Variants in ANO3 observed in about 807,000 individuals in gnomAD.
ANO3 encodes anoctamin 3.
In ANO3, 99 loss-of-function variants were observed where a neutral mutation model predicts 144.8. That is an observed-to-expected ratio of 0.68 (90% CI 0.58 to 0.81). The LOEUF is 0.81. Ranked by LOEUF, ANO3 falls within the 30% of genes least tolerant of loss-of-function variation. ANO3 has a pLI of 0.00. For missense variants in ANO3, 905 were observed against 1,202.2 expected (o/e 0.75, Z 3.66); for synonymous variants, 414 against 392.6 (o/e 1.05, Z -0.64).
intron 1 of ANO3, among the ~76,000 whole-genome samples, chr11:26,410,567 T>C (rs1030708867): frequency 6.6e-5 from 10 of 152,050 alleles, no homozygotes; most frequent in Admixed American, 5.9e-4. Context: ...CCCAAAACAA[T>C]TGTAGAAACA....
At chr11:26,585,146 C>T (rs970309587) in intron 14 of ANO3, among the ~76,000 whole-genome samples, 3 of 152,160 alleles carry the variant, frequency 2.0e-5, no homozygotes, top group Non-Finnish European at 4.4e-5. Context: ...AGCTGATAAA[C>T]TTTCCAGAGT....
At chr11:26,608,938 G>A (rs772119860) in intron 17 of ANO3, among the ~76,000 whole-genome samples, 4 of 152,204 alleles carry the variant, frequency 2.6e-5, no homozygotes, top group Non-Finnish European at 5.9e-5. Flanking sequence ...GGCTTAGACA[G>A]CAGGCACCTG....
At chr11:26,347,250 A>G (rs1317096976) in intron 1 of ANO3, among the ~76,000 whole-genome samples, 6 of 152,232 alleles carry the variant, frequency 3.9e-5, no homozygotes, top group Admixed American at 1.3e-4. Context: ...ATTTGAATCA[A>G]TCGGCACAAT....
At chr11:26,451,746 A>G (rs1004545556) in intron 3 of ANO3, among the ~76,000 whole-genome samples, 17 of 152,198 alleles carry the variant, frequency 1.1e-4, no homozygotes, top group Non-Finnish European at 1.9e-4. Context: ...TTCTCCCAGC[A>G]TGCAGCTGGA....
chr11:26,269,955 G>T (rs1853405622), intron 1 of ANO3, among the ~76,000 whole-genome samples: 1 of 152,130 alleles, frequency 6.6e-6, no homozygotes, highest in Non-Finnish European at 1.5e-5. Flanking sequence ...TATAAGAAGA[G>T]ATCAGAACAC....
At chr11:26,249,708 C>T (rs1048247352) in intron 1 of ANO3, among the ~76,000 whole-genome samples, 5 of 151,756 alleles carry the variant, frequency 3.3e-5, no homozygotes, top group Admixed American at 2.6e-4. Context: ...ATAATCTTAA[C>T]TAATTGCCTC....
intron 1 of ANO3, among the ~76,000 whole-genome samples, chr11:26,215,726 C>T (rs755759279): frequency 6.6e-6 from 1 of 151,874 alleles, no homozygotes; most frequent in Non-Finnish European, 1.5e-5. Flanking sequence ...TTAACTATCA[C>T]TATTTCTATG....
At chr11:26,382,068 T>G (rs1856603431) in intron 1 of ANO3, among the ~76,000 whole-genome samples, 1 of 152,144 alleles carries the variant, frequency 6.6e-6, no homozygotes, top group South Asian at 2.1e-4. Context: ...GGTTAATAAT[T>G]TATTATGCAT....
chr11:26,637,279 A>G (rs4320913), intron 20 of ANO3, among the ~76,000 whole-genome samples: 52,816 of 152,114 alleles, frequency 0.35, 9,769 homozygotes, highest in South Asian at 0.48. Context: ...GTGGGTAGCG[A>G]ACCAATCACA....
chr11:26,536,095 C>T (rs186316079), intron 9 of ANO3, among the ~76,000 whole-genome samples: 17 of 148,726 alleles, frequency 1.1e-4, no homozygotes, highest in Middle Eastern at 3.4e-3. Context: ...CAAGGTGGCT[C>T]GATCACCTGA....
intron 20 of ANO3, among the ~76,000 whole-genome samples, chr11:26,636,584 C>T (rs1276585559): frequency 6.6e-6 from 1 of 152,008 alleles, no homozygotes; most frequent in Non-Finnish European, 1.5e-5. Flanking sequence ...AACAAAGTCA[C>T]AGATGTGCAG....
intron 1 of ANO3, among the ~76,000 whole-genome samples, chr11:26,233,401 C>T (rs1285617223): frequency 6.6e-6 from 1 of 152,146 alleles, no homozygotes; most frequent in Non-Finnish European, 1.5e-5. Context: ...GATACCATCT[C>T]ATACCACTTA....
chr11:26,511,636 C>T (rs1861670210), intron 5 of ANO3, among the ~76,000 whole-genome samples: 1 of 151,988 alleles, frequency 6.6e-6, no homozygotes, highest in Non-Finnish European at 1.5e-5. Flanking sequence ...TGGCTTGCAA[C>T]AAGGGCAGTG....
intron 4 of ANO3, among the ~76,000 whole-genome samples, chr11:26,491,086 A>G (rs1273286744): frequency 6.6e-6 from 1 of 152,178 alleles, no homozygotes; most frequent in African/African-American, 2.4e-5. Flanking sequence ...CACAGCTGTT[A>G]TAAAATTTGT....
intron 1 of ANO3, among the ~76,000 whole-genome samples, chr11:26,285,325 C>T (rs1252566243): frequency 1.3e-5 from 2 of 152,046 alleles, no homozygotes; most frequent in Non-Finnish European, 2.9e-5. Context: ...GAAAAAGAAT[C>T]TAAAAATAAA....
chr11:26,589,598 T>C (rs554029645), intron 14 of ANO3, among the ~76,000 whole-genome samples: 3 of 152,072 alleles, frequency 2.0e-5, no homozygotes, highest in South Asian at 2.1e-4. Context: ...CTCCCTATTT[T>C]CCCCCAAAAG....
At chr11:26,315,190 T>A (rs377470101) in intron 1 of ANO3, among the ~76,000 whole-genome samples, 25 of 152,286 alleles carry the variant, frequency 1.6e-4, no homozygotes, top group African/African-American at 5.8e-4. Flanking sequence ...TCCAAAAATA[T>A]CTGTGTATTA....
chr11:26,541,213 C>T (rs1408930286), intron 10 of ANO3, among the ~76,000 whole-genome samples: 2 of 152,082 alleles, frequency 1.3e-5, no homozygotes, highest in Non-Finnish European at 2.9e-5. Flanking sequence ...CGAAACACCC[C>T]ATGTTCTCAC....
chr11:26,570,584 G>A (rs193123541), intron 14 of ANO3, among the ~76,000 whole-genome samples: 1 of 152,074 alleles, frequency 6.6e-6, no homozygotes, highest in Non-Finnish European at 1.5e-5. Context: ...CAGGTATACT[G>A]CAGGCATAAT....
Sources: gnomAD v4.1 joint callset for allele counts (sites outside exome capture counted in the v4.1 genomes callset) on GRCh38, gnomAD v4.1.1 for gene constraint, MANE v1.5 for transcripts, NCBI Gene and HGNC (gene_info 2026-07-23, HGNC 2026-07-21) for gene names.